Variants in MSH3 observed in about 807,000 individuals in gnomAD.
The protein encoded by MSH3 is DNA mismatch repair protein Msh3.
MSH3 carries 106 observed loss-of-function variants against 123.3 expected under a neutral mutation model. The observed-to-expected ratio is 0.86, with a 90% CI of 0.73 to 1.01. The LOEUF (loss-of-function observed/expected upper bound fraction) is 1.01. MSH3 is among the 50% of genes least tolerant of loss of function. The probability of loss-of-function intolerance (pLI) is 0.00; values close to 1 mark genes in which losing one functional copy is unlikely to be tolerated. For synonymous variants in MSH3, 515 were observed against 481.4 expected (o/e 1.07, Z -0.91); for missense variants, 1,459 against 1,347.6 (o/e 1.08, Z -1.29).
rs969715234 is a variant in MSH3, at chr5:80,654,762, C to G, written c.35C>G (p.Ala12Gly). Residue 12 changes from alanine to glycine, a missense_variant, in exon 1 of 24, where the codon GCT becomes GGT. By Grantham distance (60) the Ala-to-Gly change is moderately conservative (BLOSUM62 0). Coordinates refer to ENST00000265081, the MANE Select transcript of MSH3 (RefSeq NM_002439.5). ...SRRKPASGGL[A>G]ASSSAPARQA... is the part of the protein sequence containing the mutation. Reference sequence around the variant, plus strand: ...CGGAAGCCTGCGTCGGGCGGCCTCGCTGCCTCCAGCTCAGCCCCTGCGAGG... The same window carrying G: ...CGGAAGCCTGCGTCGGGCGGCCTCGGTGCCTCCAGCTCAGCCCCTGCGAGG... 7 of 1,603,780 alleles carry G rather than the reference C, an allele frequency of 4.4e-6. No homozygotes were observed. Among genetic ancestry groups the G allele is most frequent in the Non-Finnish European group, 5.1e-6 (6 of 1,176,362 alleles).
chr5:80,771,795 A>T (rs908284804), intron 15 of MSH3, among the ~76,000 whole-genome samples: 1 of 152,222 alleles, frequency 6.6e-6, no homozygotes, highest in Admixed American at 6.5e-5. Context: ...TTTTGACAAC[A>T]TTCATTTTTC....
At chr5:80,858,151 C>A (rs891207612) in intron 21 of MSH3, among the ~76,000 whole-genome samples, 1 of 152,032 alleles carries the variant, frequency 6.6e-6, no homozygotes, top group Non-Finnish European at 1.5e-5. Flanking sequence ...CTCAAGTGAT[C>A]CTTCTGCCTC....
At chr5:80,751,581 T>C (rs1743840604) in intron 12 of MSH3, among the ~76,000 whole-genome samples, 1 of 152,212 alleles carries the variant, frequency 6.6e-6, no homozygotes, top group African/African-American at 2.4e-5. Context: ...CCTTGGCTTG[T>C]AGATGTAGCT....
intron 8 of MSH3, among the ~76,000 whole-genome samples, chr5:80,684,581 T>C (rs1750042636): frequency 6.6e-6 from 1 of 152,172 alleles, no homozygotes; most frequent in Admixed American, 6.5e-5. Flanking sequence ...TTTGGTAGTC[T>C]TTAGGTTTTT....
chr5:80,822,118 G>T (rs534515095), intron 20 of MSH3, among the ~76,000 whole-genome samples: 4 of 152,252 alleles, frequency 2.6e-5, no homozygotes, highest in Admixed American at 2.0e-4. Context: ...AAGAATAGGG[G>T]CTTTAGATCT....
At chr5:80,715,970 A>G (rs116559881) in intron 8 of MSH3, among the ~76,000 whole-genome samples, 5 of 152,274 alleles carry the variant, frequency 3.3e-5, no homozygotes, top group South Asian at 4.1e-4. Flanking sequence ...ATGGGGAGCT[A>G]TTGAAGGAGT....
chr5:80,863,126 C>T (rs1270967930), intron 21 of MSH3, among the ~76,000 whole-genome samples: 2 of 152,166 alleles, frequency 1.3e-5, no homozygotes, highest in East Asian at 3.8e-4. Flanking sequence ...ACTGATATCA[C>T]GTCCCACCTG....
chr5:80,801,876 C>A (rs543707262), intron 19 of MSH3, among the ~76,000 whole-genome samples: 1 of 152,310 alleles, frequency 6.6e-6, no homozygotes, highest in South Asian at 2.1e-4. Context: ...CACTAGAAAC[C>A]ACCTTTCTTT....
chr5:80,661,999 CAGT>C (rs1369275438), intron 2 of MSH3, among the ~76,000 whole-genome samples: 1 of 152,148 alleles, frequency 6.6e-6, no homozygotes, highest in African/African-American at 2.4e-5. Flanking sequence ...AATACAGAGA[CAGT>C]AGACATTAGT....
At chr5:80,789,292 A>G (rs1287128461) in intron 18 of MSH3, among the ~76,000 whole-genome samples, 1 of 151,846 alleles carries the variant, frequency 6.6e-6, no homozygotes, top group East Asian at 1.9e-4. Flanking sequence ...TCCAAAAACT[A>G]TCCTTTTTTC....
Position 80,679,005 on chromosome 5 carries a change from A to C in MSH3, c.1252A>C (p.Met418Leu), listed in dbSNP as rs1749904636. Residue 418 changes from methionine to leucine, a missense_variant, in exon 8 of 24, where the codon ATG (methionine) becomes CTG (leucine). Transcript: ENST00000265081. ...SASRSELETR[M>L]SSLQPVELLL... ...TTCTCGTTCAGAGCTAGAAACCCGG[A>C]TGTCAAGCCTGCAGCCAGTAGAGCT... The C allele has an allele frequency of 6.2e-7, 1 of 1,614,130 alleles. No homozygotes were observed. The highest frequency in any genetic ancestry group is 8.5e-7 in the Non-Finnish European group (1 of 1,180,006).
rs192754267 is a variant in MSH3, at chr5:80,661,610, A to G, written c.359-3533A>G. On this transcript the variant is annotated intron_variant, in intron 2 of 23. Coordinates refer to ENST00000265081, the MANE Select transcript of MSH3 (RefSeq NM_002439.5). ...TGTTTTCCTTTACATTCTTAATTAT[A>G]TGGAGCATATTTATAAATTGTATTT... 2.6e-3 allele frequency among the ~76,000 whole-genome samples: 391 copies of G among 152,296 alleles called. 2 individuals carry two copies. Among genetic ancestry groups the G allele is most frequent in the African/African-American group, 7.4e-3 (308 of 41,556 alleles).
rs563504437 is a variant in MSH3, at chr5:80,747,730, T to A, written c.1763+3115T>A. ...GAGGTGTTTTCTATGTTTAGAAATG[T>A]TTAGACACACAAATACTTACCATTG... On this transcript the variant is annotated intron_variant, in intron 12 of 23. Transcript: ENST00000265081. 3.3e-5 allele frequency among the ~76,000 whole-genome samples: 5 copies of A among 152,278 alleles called. No homozygotes were observed. In the South Asian group the frequency reaches 6.2e-4, roughly 19 times the overall value.
chr5:80,695,689 T>A (rs1024873615), intron 8 of MSH3, among the ~76,000 whole-genome samples: 2 of 152,202 alleles, frequency 1.3e-5, no homozygotes, highest in African/African-American at 4.8e-5. Context: ...TTGCCTTGAC[T>A]TTCTATTTTT....
intron 2 of MSH3, among the ~76,000 whole-genome samples, chr5:80,657,002 TA>T (rs1749308190): frequency 1.3e-5 from 2 of 152,178 alleles, no homozygotes; most frequent in Admixed American, 6.5e-5. Flanking sequence ...CAGATTATAT[TA>T]TATTCTATAC....
rs150302401 is a variant in MSH3 at position 80,803,016 on chromosome 5, A to G, written c.2655+10172A>G. On this transcript the variant is annotated intron_variant, in intron 19 of 23. Coordinates refer to ENST00000265081, the MANE Select transcript of MSH3 (RefSeq NM_002439.5). Reference sequence around the variant, plus strand: ...TGCTTCCAGATCTTGGCTATTGTGAATAGTGCTGCAATAAACATGGGAGTG... The same window carrying G: ...TGCTTCCAGATCTTGGCTATTGTGAGTAGTGCTGCAATAAACATGGGAGTG... 6.3e-3 allele frequency among the ~76,000 whole-genome samples: 957 copies of G among 152,242 alleles called. 10 individuals are homozygous for G. The highest frequency in any genetic ancestry group is 0.014 in the South Asian group (67 of 4,816).
chr5:80,735,723 G>A (rs1357896925), intron 10 of MSH3, among the ~76,000 whole-genome samples: 3 of 152,098 alleles, frequency 2.0e-5, no homozygotes, highest in East Asian at 1.9e-4. Flanking sequence ...ACAGAAGAGC[G>A]AGATGTATGA....
At chr5:80,814,656 G>C (rs972927518) in intron 20 of MSH3, among the ~76,000 whole-genome samples, 1 of 152,232 alleles carries the variant, frequency 6.6e-6, no homozygotes, top group Non-Finnish European at 1.5e-5. Flanking sequence ...TGGGGTAGAA[G>C]GCTTGGAGAC....
At chr5:80,797,802 C>T (rs560805492) in intron 19 of MSH3, among the ~76,000 whole-genome samples, 2 of 152,108 alleles carry the variant, frequency 1.3e-5, no homozygotes, top group East Asian at 3.9e-4. Context: ...GGACTGTGGC[C>T]GCCCCAGCCC....
Sources: gnomAD v4.1 joint callset for allele counts (sites outside exome capture counted in the v4.1 genomes callset) on GRCh38, gnomAD v4.1.1 for gene constraint, MANE v1.5 for transcripts, NCBI Gene and HGNC (gene_info 2026-07-23, HGNC 2026-07-21) for gene names.